Variants in ANKK1 observed in about 807,000 individuals in gnomAD.
The protein encoded by ANKK1 is ankyrin repeat and kinase domain containing 1.
Under a neutral mutation model 37.6 loss-of-function variants are expected in ANKK1, and 37 were observed. The ratio of observed to expected loss-of-function variants is 0.98; its 90% CI spans 0.76 to 1.29. ANKK1 has a LOEUF of 1.29. ANKK1 is among the 50% of genes most tolerant of loss of function. The pLI, the probability that ANKK1 is intolerant of heterozygous loss-of-function variation, is 0.00. For missense variants in ANKK1, 1,019 were observed against 990.6 expected, an observed-to-expected ratio of 1.03 and a Z score of -0.39; for synonymous variants, 415 against 418.7, an observed-to-expected ratio of 0.99 and a Z score of 0.11.
chr11:113,390,426 G>A (rs1346295740), intron 1 of ANKK1, among the ~76,000 whole-genome samples: 1 of 152,194 alleles, frequency 6.6e-6, no homozygotes, highest in Non-Finnish European at 1.5e-5. Context: ...GGAGTCATTT[G>A]TTATAAGTGG....
In ANKK1 at chr11:113,399,978, G is replaced by C. The variant is rs201092692; in HGVS notation, c.2009G>C (p.Ser670Thr). 9 of 1,613,636 alleles carry C rather than the reference G, an allele frequency of 5.6e-6. No individual in the cohort carries two copies. The Admixed American group carries it at 1.3e-4, about 24-fold the overall frequency. ...CCCCTCCACCTGGCGGTCCAGAGGA[G>C]CACCTTCCTGAGTGTCATCAACCTC... ...WTPLHLAVQR[S>T]TFLSVINLLE... Residue 670 changes from serine to threonine, a missense_variant, in exon 8 of 8, where the codon AGC (serine) becomes ACC (threonine). By Grantham distance (58) the Ser-to-Thr change is moderately conservative (BLOSUM62 1). Coordinates refer to ENST00000303941, the MANE Select transcript of ANKK1 (RefSeq NM_178510.2).
chr11:113,396,359 T>TTC lies in ANKK1; in HGVS notation c.838+137_838+138insTC, dbSNP rs1950639485. The TTC allele has an allele frequency of 4.1e-5, 33 of 813,964 alleles. No individual in the cohort carries two copies. The African/African-American group carries it at 4.7e-4, about 12-fold the overall frequency. The allele number at this position is 813,964 out of a possible 1,614,324, so 50.4% of individuals were successfully genotyped here. ...TAGAAGGACTTTTTTTTTTTTTTTT[T>TTC]CAGAGACACGGTCTCTCTGGTCCAG... On this transcript the variant is annotated intron_variant, in intron 5 of 7. Coordinates refer to ENST00000303941, the MANE Select transcript of ANKK1 (RefSeq NM_178510.2).
In ANKK1 at chr11:113,399,755, C is replaced by A; in HGVS notation, c.1786C>A (p.Pro596Thr). The part of the protein sequence containing the change: ...LELPTHQGWT[P>T]LHLAAYKGHL... ...GCTGCCCACCCACCAGGGCTGGACA[C>A]CCCTGCATCTAGCAGCCTACAAGGG... Residue 596 changes from proline to threonine, a missense_variant, in exon 8 of 8, where the codon CCC becomes ACC. By Grantham distance (38) the Pro-to-Thr change is conservative. Transcript: ENST00000303941. 1 of 1,603,740 alleles carries A rather than the reference C, an allele frequency of 6.2e-7. No homozygotes were observed. The highest frequency in any genetic ancestry group is 8.5e-7 in the Non-Finnish European group (1 of 1,175,334).
chr11:113,390,181 T>A (rs1286492257), intron 1 of ANKK1, among the ~76,000 whole-genome samples: 2 of 152,164 alleles, frequency 1.3e-5, no homozygotes, highest in Admixed American at 1.3e-4. Flanking sequence ...CATGAGAGTG[T>A]CTGTTTTGGT....
chr11:113,396,240 C>T lies in ANKK1; in HGVS notation c.838+18C>T, dbSNP rs371548639. The T allele has an allele frequency of 6.8e-6, 11 of 1,611,912 alleles. No homozygotes were observed. The highest frequency in any genetic ancestry group is 8.5e-6 in the Non-Finnish European group (10 of 1,178,536). On this transcript the variant is annotated intron_variant, in intron 5 of 7. Transcript: ENST00000303941. The stretch of plus-strand genomic sequence containing the variant: ...CTTTCTAGGTGCTTATCCAGTGCCC[C>T]CTACCCAGGGACTGGGAGCTGGGTG...
At chr11:113,388,913 A>G (rs1950567844) in intron 1 of ANKK1, among the ~76,000 whole-genome samples, 1 of 152,200 alleles carries the variant, frequency 6.6e-6, no homozygotes, top group Non-Finnish European at 1.5e-5. Context: ...GCTCTGGGAC[A>G]TCAATTAGAG....
chr11:113,396,006 T>G, intron 4 of ANKK1, 61 bp from the exon 5 acceptor site: 1 of 1,582,656 alleles, frequency 6.3e-7, no homozygotes, highest in Non-Finnish European at 8.6e-7. Context: ...CCCGCCTTCC[T>G]CCCCAGCTCC....
chr11:113,397,415 T>G, intron 6 of ANKK1, 73 bp downstream of exon 6: 9 of 1,306,134 alleles, frequency 6.9e-6, no homozygotes, highest in Non-Finnish European at 9.6e-6. Context: ...TTGTGATCTC[T>G]GGCCAGACAC....
chr11:113,388,433 G>A (rs886461731), intron 1 of ANKK1, among the ~76,000 whole-genome samples: 4 of 152,106 alleles, frequency 2.6e-5, no homozygotes, highest in Admixed American at 6.5e-5. Context: ...GCTCTTGACC[G>A]CTCTCTGCCA....
At chr11:113,397,150 G>T (rs1950645319) in intron 5 of ANKK1, 74 bp from the exon 6 acceptor site, 1 of 1,186,180 alleles carries the variant, frequency 8.4e-7, no homozygotes, top group African/African-American at 1.5e-5. Context: ...GAATGTTAGG[G>T]TATCTAAAAC....
In ANKK1 at chr11:113,399,717, G is replaced by C. The variant is rs368013869; in HGVS notation, c.1748G>C (p.Gly583Ala). ...YLICKMLLRY[G>A]ASLELPTHQG... ...ATCTGCAAGATGCTGCTCAGGTACGGAGCCAGCCTTGAGCTGCCCACCCAC... is the reference window on the plus strand; with the variant it reads ...ATCTGCAAGATGCTGCTCAGGTACGCAGCCAGCCTTGAGCTGCCCACCCAC... The change falls in exon 8 of 8, where the codon GGA (glycine) becomes GCA (alanine). Residue 583 changes from glycine (G) to alanine (A), a missense_variant. By Grantham distance (60) the Gly-to-Ala change is moderately conservative (BLOSUM62 0). Coordinates refer to ENST00000303941, the MANE Select transcript of ANKK1 (RefSeq NM_178510.2). 1 of 1,599,074 alleles carries C rather than the reference G, an allele frequency of 6.3e-7. No individual in the cohort carries two copies. Among genetic ancestry groups the C allele is most frequent in the Non-Finnish European group, 8.5e-7 (1 of 1,173,166 alleles).
chr11:113,394,774 A>G (rs1342390264), intron 2 of ANKK1, 155 bp from the exon 3 acceptor site: 1 of 1,067,424 alleles, frequency 9.4e-7, no homozygotes, highest in East Asian at 2.6e-5. Context: ...GGCCAAGACC[A>G]TCCAGATAGT....
intron 1 of ANKK1, among the ~76,000 whole-genome samples, chr11:113,392,967 C>A (rs1950599689): frequency 6.6e-6 from 1 of 152,172 alleles, no homozygotes; most frequent in Admixed American, 6.5e-5. Context: ...AAAGGATATA[C>A]TAAAATATCA....
rs1277318645 is a variant in ANKK1 at position 113,399,396 on chromosome 11, T to C, written c.1427T>C (p.Val476Ala). Residue 476 changes from valine to alanine, a missense_variant, in exon 8 of 8, where the codon GTG (valine) becomes GCG (alanine). By Grantham distance (64) the Val-to-Ala change is moderately conservative. Coordinates refer to ENST00000303941, the MANE Select transcript of ANKK1 (RefSeq NM_178510.2). ...GCTGCACAGAATAACTTTGAGAATG[T>C]GGCACGGCTTCTGGTCTCCCGTCAG... ...HLAAQNNFEN[V>A]ARLLVSRQAD... 9 of 1,600,506 alleles carry C rather than the reference T, an allele frequency of 5.6e-6. No homozygotes were observed.
chr11:113,399,292 C>T lies in ANKK1; in HGVS notation c.1323C>T (p.Asp441=), dbSNP rs199986656. 9.4e-6 allele frequency: 15 copies of T among 1,602,486 alleles called. No homozygotes were observed. Among genetic ancestry groups the T allele is most frequent in the African/African-American group, 2.7e-5 (2 of 74,826 alleles). ...PLHFAAQNGD[D]GTARLLLDHG... The stretch of plus-strand genomic sequence containing the variant: ...ACTTTGCAGCCCAGAATGGGGATGA[C>T]GGCACTGCGCGCCTGCTCCTGGACC... The change falls in exon 8 of 8, where the codon GAC becomes GAT. Residue 441 remains aspartate, a synonymous_variant. Transcript: ENST00000303941.
Position 113,399,706 on chromosome 11 carries a change from G to A in ANKK1, c.1737G>A (p.Leu579=). ...ARGKYLICKM[L]LRYGASLELP... is the part of the protein sequence containing the mutation. ...GCAAATACCTGATCTGCAAGATGCTGCTCAGGTACGGAGCCAGCCTTGAGC... is the reference window on the plus strand; with the variant it reads ...GCAAATACCTGATCTGCAAGATGCTACTCAGGTACGGAGCCAGCCTTGAGC... Residue 579 remains leucine (L), a synonymous_variant, in exon 8 of 8, where the codon CTG becomes CTA. Transcript: ENST00000303941. 1 of 1,597,980 alleles carries A rather than the reference G, an allele frequency of 6.3e-7. No homozygotes were observed. The highest frequency in any genetic ancestry group is 1.7e-5 in the Admixed American group (1 of 57,848).
At chr11:113,394,697 G>A (rs1378271122) in intron 2 of ANKK1, 3 of 673,278 alleles carry the variant, frequency 4.5e-6, no homozygotes, top group Admixed American at 2.1e-5. Context: ...AGCACTGTGA[G>A]TTAAATGGTC....
At chr11:113,394,584 A>C (rs1459349812) in intron 2 of ANKK1, 2 of 424,462 alleles carry the variant, frequency 4.7e-6, no homozygotes, top group African/African-American at 2.0e-5. Context: ...GAAGGTGGCA[A>C]CTTCATTCAT....
Position 113,387,969 on chromosome 11 carries a change from G to T in ANKK1, c.85G>T (p.Ala29Ser). 1 of 1,571,618 alleles carries T rather than the reference G, an allele frequency of 6.4e-7. No homozygotes were observed. The highest frequency in any genetic ancestry group is 2.3e-5 in the East Asian group (1 of 42,752). ...DDFEGDWRLVASGGFSQVFQA... is the reference protein window; with the variant it reads ...DDFEGDWRLVSSGGFSQVFQA... ...CTTCGAGGGCGACTGGCGCCTAGTG[G>T]CCAGCGGCGGCTTCAGCCAGGTGTT... The change falls in exon 1 of 8, where the codon GCC (alanine) becomes TCC (serine). Residue 29 changes from alanine (A) to serine (S), a missense_variant. Physicochemically the swap from Ala to Ser is moderately conservative, Grantham distance 99. Transcript: ENST00000303941.
Sources: gnomAD v4.1 joint callset for allele counts (sites outside exome capture counted in the v4.1 genomes callset) on GRCh38, gnomAD v4.1.1 for gene constraint, MANE v1.5 for transcripts, NCBI Gene and HGNC (gene_info 2026-07-23, HGNC 2026-07-21) for gene names.